The following PDGFRL variants were observed in gnomAD, a reference collection of about 807,000 sequenced individuals.
PDGFRL encodes platelet-derived growth factor receptor-like protein.
In PDGFRL, 46 loss-of-function variants were observed where a neutral mutation model predicts 37.2. The ratio of observed to expected loss-of-function variants is 1.24; its 90% CI spans 0.98 to 1.58. The LOEUF is 1.58. Ranked by LOEUF, PDGFRL falls within the 40% of genes most tolerant of loss-of-function variation. The pLI is 0.00. For synonymous variants in PDGFRL, 251 were observed against 184.3 expected (o/e 1.36, Z -2.93); for missense variants, 692 against 467.6 (o/e 1.48, Z -4.43).
chr8:17,642,987 T>C lies in PDGFRL; in HGVS notation c.*186T>C. ...GTCATCCAGTCTATTCACAGAAGTGTTAACTTTTCTAACAGAAAGCATGAT... is the reference window on the plus strand; with the variant it reads ...GTCATCCAGTCTATTCACAGAAGTGCTAACTTTTCTAACAGAAAGCATGAT... On this transcript the variant is annotated 3_prime_UTR_variant, in exon 6 of 6. Coordinates refer to ENST00000251630, the MANE Select transcript of PDGFRL (RefSeq NM_001372073.1). 1.9e-6 allele frequency: 1 copy of C among 517,486 alleles called. No homozygotes were observed. The highest frequency in any genetic ancestry group is 3.4e-6 in the Non-Finnish European group (1 of 296,916). The allele number at this position is 517,486 out of a possible 1,614,324, so 32.1% of individuals were successfully genotyped here.
upstream of PDGFRL, chr8:17,577,168 G>A: frequency 1.3e-6 from 2 of 1,541,252 alleles, no homozygotes; most frequent in East Asian, 2.4e-5. Flanking sequence ...CGTCCCAGGA[G>A]CCCGCCCCTC....
rs562423174 is a variant in PDGFRL at position 17,626,980 on chromosome 8, G to C, written c.506-1507G>C. Among the ~76,000 whole-genome samples, 2 of 152,342 alleles carry C rather than the reference G, an allele frequency of 1.3e-5. 1 individual carries two copies. The highest frequency in any genetic ancestry group is 3.9e-4 in the East Asian group (2 of 5,174). On this transcript the variant is annotated intron_variant, in intron 3 of 5. Coordinates refer to ENST00000251630, the MANE Select transcript of PDGFRL (RefSeq NM_001372073.1). ...CCAAGCCGAGAGCAGACCTGAGACT[G>C]ATGGGTTCCTCCTTCAAGCCGACGC...
chr8:17,589,907 A>G (rs1231193600), intron 2 of PDGFRL, 142 bp downstream of exon 2: 9 of 612,350 alleles, frequency 1.5e-5, no homozygotes, highest in Non-Finnish European at 2.5e-5. Flanking sequence ...CAAAGGGCAA[A>G]AGTCACAGAT....
intron 3 of PDGFRL, among the ~76,000 whole-genome samples, chr8:17,627,747 A>T (rs1370757066): frequency 2.6e-5 from 4 of 151,806 alleles, no homozygotes; most frequent in African/African-American, 7.3e-5. Flanking sequence ...AAGTGCTAGG[A>T]TTACAGGCAT....
At chr8:17,579,933 C>T (rs1803670611) in intron 1 of PDGFRL, among the ~76,000 whole-genome samples, 2 of 152,126 alleles carry the variant, frequency 1.3e-5, no homozygotes, top group African/African-American at 4.8e-5. Context: ...ACCTGATTTT[C>T]AGCATTTATA....
chr8:17,639,134 C>G (rs1805040717), intron 5 of PDGFRL, among the ~76,000 whole-genome samples: 1 of 152,026 alleles, frequency 6.6e-6, no homozygotes, highest in Non-Finnish European at 1.5e-5. Context: ...CAGCCCTTTA[C>G]CATAAGTTTA....
At chr8:17,596,686 C>G (rs546453083) in intron 2 of PDGFRL, among the ~76,000 whole-genome samples, 1 of 152,328 alleles carries the variant, frequency 6.6e-6, no homozygotes, top group African/African-American at 2.4e-5. Context: ...GAATAGTGTT[C>G]ATTCGAAGCA....
intron 2 of PDGFRL, among the ~76,000 whole-genome samples, chr8:17,599,952 C>T (rs187899970): frequency 2.6e-5 from 4 of 152,230 alleles, no homozygotes; most frequent in African/African-American, 7.2e-5. Context: ...CATTCTGGAT[C>T]ATCAACATCT....
chr8:17,597,545 T>A (rs1056191832), intron 2 of PDGFRL, among the ~76,000 whole-genome samples: 1 of 44,472 alleles, frequency 2.2e-5, no homozygotes, highest in Non-Finnish European at 5.3e-5. Context: ...AAAAATGCAA[T>A]ATACATTTTT....
At chr8:17,601,018 T>A (rs1804155650) in intron 2 of PDGFRL, among the ~76,000 whole-genome samples, 1 of 152,104 alleles carries the variant, frequency 6.6e-6, no homozygotes. Flanking sequence ...ATGATCTTTC[T>A]CCACACCTGG....
chr8:17,611,582 G>A (rs1421051143), intron 2 of PDGFRL, among the ~76,000 whole-genome samples: 2 of 152,134 alleles, frequency 1.3e-5, no homozygotes, highest in African/African-American at 4.8e-5. Context: ...AGGGCTCAGA[G>A]GTGAAAATGA....
At chr8:17,618,210 C>T (rs968316431) in intron 2 of PDGFRL, among the ~76,000 whole-genome samples, 9 of 152,138 alleles carry the variant, frequency 5.9e-5, no homozygotes, top group African/African-American at 2.2e-4. Flanking sequence ...ATGCACACTA[C>T]CATGCCTGGC....
chr8:17,637,053 T>C (rs1031164636), intron 5 of PDGFRL, among the ~76,000 whole-genome samples: 10 of 152,184 alleles, frequency 6.6e-5, no homozygotes, highest in African/African-American at 2.4e-4. Context: ...GATTACATCA[T>C]CAGCAAACAG....
At chr8:17,618,632 A>G (rs1477959982) in intron 2 of PDGFRL, among the ~76,000 whole-genome samples, 1 of 151,940 alleles carries the variant, frequency 6.6e-6, no homozygotes. Flanking sequence ...GCTGTCTGAG[A>G]CTCAGTTTTC....
chr8:17,627,989 C>CTTTTTTTTTTTT (rs35707610), intron 3 of PDGFRL, among the ~76,000 whole-genome samples: 1 of 89,250 alleles, frequency 1.1e-5, no homozygotes, highest in Non-Finnish European at 2.0e-5. Flanking sequence ...TTCTTTCTTT[C>CTTTTTTTTTTTT]TTTTTTTTTT....
chr8:17,584,243 C>T (rs1803768645), intron 1 of PDGFRL, among the ~76,000 whole-genome samples: 1 of 152,132 alleles, frequency 6.6e-6, no homozygotes, highest in African/African-American at 2.4e-5. Flanking sequence ...ATAAAGGGAG[C>T]ATCAGGAAGG....
intron 1 of PDGFRL, among the ~76,000 whole-genome samples, chr8:17,588,807 C>G (rs991114572): frequency 6.6e-6 from 1 of 152,104 alleles, no homozygotes; most frequent in African/African-American, 2.4e-5. Context: ...GCAAAGTAAA[C>G]AAACAGCCTT....
chr8:17,627,160 A>T (rs1804750849), intron 3 of PDGFRL, among the ~76,000 whole-genome samples: 1 of 152,168 alleles, frequency 6.6e-6, no homozygotes. Flanking sequence ...TGTGGGGCTG[A>T]TTTCTCCACC....
At chr8:17,591,240 G>C (rs2720583) in intron 2 of PDGFRL, among the ~76,000 whole-genome samples, 3,978 of 152,194 alleles carry the variant, frequency 0.026, 129 homozygotes, top group East Asian at 0.12. Context: ...GGCCTCAACT[G>C]GTAAGAAGGC....
Sources: allele counts gnomAD v4.1 joint callset (sites outside exome capture counted in the v4.1 genomes callset), GRCh38; gene constraint gnomAD v4.1.1; transcripts MANE v1.5; gene names NCBI Gene and HGNC (gene_info 2026-07-23, HGNC 2026-07-21).